The following TEX11 variants were observed in gnomAD, a reference collection of about 807,000 sequenced individuals.
The protein encoded by TEX11 is testis expressed 11.
In TEX11, 7 loss-of-function variants were observed where a neutral mutation model predicts 84.4. That is an observed-to-expected ratio of 0.08 (90% CI 0.05 to 0.16). The LOEUF (loss-of-function observed/expected upper bound fraction) is 0.16. Ranked by LOEUF, TEX11 falls within the 10% of genes least tolerant of loss-of-function variation. TEX11 has a pLI of 1.00. For synonymous variants in TEX11, 264 were observed against 222.8 expected (o/e 1.18, Z -1.64); for missense variants, 551 against 660.5 (o/e 0.83, Z 1.82).
chrX:70,724,516 G>A (rs993247172), intron 12 of TEX11, among the ~76,000 whole-genome samples: 7 of 111,570 alleles, frequency 6.3e-5, no homozygotes, highest in African/African-American at 2.3e-4. Context: ...AGCTCTTAAA[G>A]ATTACTGAAA....
At chrX:70,904,903 T>G (rs1569464422) in intron 2 of TEX11, among the ~76,000 whole-genome samples, 1 of 112,919 alleles carries the variant, frequency 8.9e-6, no homozygotes, top group African/African-American at 3.2e-5. Flanking sequence ...TATTTTCATC[T>G]GTTTAAACAT....
At chrX:70,529,754 G>C in intron 29 of TEX11, 81 bp downstream of exon 29, 1 of 986,902 alleles carries the variant, frequency 1.0e-6, no homozygotes, top group South Asian at 2.6e-5. Flanking sequence ...AGGAGGATGG[G>C]GTTGAGTCCT....
chrX:70,690,311 G>T (rs1405561007), intron 13 of TEX11, among the ~76,000 whole-genome samples: 1 of 111,617 alleles, frequency 9.0e-6, no homozygotes, highest in African/African-American at 3.3e-5. Context: ...ATATAAGATG[G>T]CAATACTAGG....
At chrX:70,774,193 G>T (rs1236384007) in intron 9 of TEX11, among the ~76,000 whole-genome samples, 1 of 108,481 alleles carries the variant, frequency 9.2e-6, no homozygotes, top group East Asian at 2.9e-4. Flanking sequence ...GGCTCGGGTG[G>T]GAGTGAAGCA....
chrX:70,680,799 ACT>A (rs1250942804), intron 14 of TEX11, among the ~76,000 whole-genome samples: 1 of 111,271 alleles, frequency 9.0e-6, no homozygotes, highest in African/African-American at 3.3e-5. Context: ...TTTCCAGCCT[ACT>A]CTCTTTTTAA....
At chrX:70,741,313 A>T (rs1470999298) in intron 10 of TEX11, among the ~76,000 whole-genome samples, 1 of 112,017 alleles carries the variant, frequency 8.9e-6, no homozygotes, top group African/African-American at 3.2e-5. Flanking sequence ...TGTATGTTTT[A>T]AAAAAGCCAG....
At chrX:70,891,886 T>C (rs887739777) in intron 2 of TEX11, among the ~76,000 whole-genome samples, 3 of 111,106 alleles carry the variant, frequency 2.7e-5, no homozygotes, top group Admixed American at 9.7e-5. Flanking sequence ...TGGAAAACAC[T>C]ACTAAGATAG....
chrX:70,692,164 A>G (rs1230508305), intron 13 of TEX11, among the ~76,000 whole-genome samples: 3 of 111,962 alleles, frequency 2.7e-5, no homozygotes, highest in Non-Finnish European at 5.6e-5. Context: ...ATACAATTTG[A>G]TGAGTTTGAC....
intron 7 of TEX11, among the ~76,000 whole-genome samples, chrX:70,842,468 C>G (rs375407063): frequency 1.8e-5 from 2 of 111,301 alleles, no homozygotes; most frequent in African/African-American, 6.5e-5. Flanking sequence ...ATTAGGTATT[C>G]ATGGGACATA....
rs961531983 is a variant in TEX11, at chrX:70,806,799, T to C, written c.607-9A>G. 1 of 1,118,784 alleles carries C rather than the reference T, an allele frequency of 8.9e-7. No homozygotes were observed. The highest frequency in any genetic ancestry group is 1.2e-6 in the Non-Finnish European group (1 of 826,363). 92.2% of individuals were successfully genotyped at this position (1,118,784 alleles called of 1,213,427 possible). ...TGATGAAGACTTGAAGTCTGCAATA[T>C]AAAAAAAATGCATTAGATTCATGAT... On this transcript the variant is annotated splice_polypyrimidine_tract_variant and intron_variant, in intron 8 of 29. Transcript: ENST00000374333.
intron 20 of TEX11, 83 bp downstream of exon 20, chrX:70,623,863 CTAAG>C: frequency 1.2e-6 from 1 of 840,459 alleles, no homozygotes; most frequent in Non-Finnish European, 1.7e-6. Flanking sequence ...ACCCACTACA[CTAAG>C]TATCTCTGAA....
chrX:70,803,018 T>A (rs187817905), intron 9 of TEX11, among the ~76,000 whole-genome samples: 1,322 of 111,527 alleles, frequency 0.012, 14 homozygotes, highest in Middle Eastern at 0.018. Context: ...TGAGGGAAAT[T>A]TCTCTATCAA....
At chrX:70,558,380 T>C (rs2088317382) in intron 25 of TEX11, among the ~76,000 whole-genome samples, 1 of 111,436 alleles carries the variant, frequency 9.0e-6, no homozygotes, top group African/African-American at 3.3e-5. Context: ...TGATAAAGAA[T>C]GAAGTTAGAC....
intron 13 of TEX11, among the ~76,000 whole-genome samples, chrX:70,683,655 C>T (rs2090164527): frequency 9.0e-6 from 1 of 111,323 alleles, no homozygotes; most frequent in Admixed American, 9.6e-5. Flanking sequence ...ATGTGTTTTG[C>T]AGAAATGGAA....
rs755648737 is a variant in TEX11 at position 70,799,117 on chromosome X, T to C, written c.692+7588A>G. ...CTTTTGGAAAAATGGAATTAAAAGATTAAAATATAAATTTTATTTATCAAC... is the reference window on the plus strand; with the variant it reads ...CTTTTGGAAAAATGGAATTAAAAGACTAAAATATAAATTTTATTTATCAAC... On this transcript the variant is annotated intron_variant, in intron 9 of 29. Coordinates refer to ENST00000374333, the MANE Select transcript of TEX11 (RefSeq NM_031276.3). Among the ~76,000 whole-genome samples the C allele has an allele frequency of 1.2e-3, 132 of 111,962 alleles. 1 individual carries two copies. Among genetic ancestry groups the C allele is most frequent in the Non-Finnish European group, 2.1e-3 (112 of 53,137 alleles).
At chrX:70,513,143 C>T in the TEX11 span, among the ~76,000 whole-genome samples, 6 of 107,875 alleles carry the variant, frequency 5.6e-5, no homozygotes, top group Admixed American at 2.0e-4. Flanking sequence ...CACCTGAGGT[C>T]GGGAGTTCAA....
intron 14 of TEX11, among the ~76,000 whole-genome samples, chrX:70,680,002 T>G (rs1180348243): frequency 4.0e-5 from 3 of 74,596 alleles, no homozygotes; most frequent in Non-Finnish European, 5.4e-5. Flanking sequence ...GTCCGGGAGG[T>G]GAGGGGCGCC....
At chrX:70,641,447 C>A (rs2089656969) in intron 17 of TEX11, among the ~76,000 whole-genome samples, 1 of 111,062 alleles carries the variant, frequency 9.0e-6, no homozygotes, top group Non-Finnish European at 1.9e-5. Context: ...CTCTCCACCC[C>A]AAATCAACAG....
intron 25 of TEX11, among the ~76,000 whole-genome samples, chrX:70,563,192 T>C (rs1349639908): frequency 9.0e-6 from 1 of 111,529 alleles, no homozygotes; most frequent in Non-Finnish European, 1.9e-5. Flanking sequence ...TAACCCCACT[T>C]TCCAGATGAG....
Sources: gnomAD v4.1 joint callset for allele counts (sites outside exome capture counted in the v4.1 genomes callset) on GRCh38, gnomAD v4.1.1 for gene constraint, MANE v1.5 for transcripts, NCBI Gene and HGNC (gene_info 2026-07-23, HGNC 2026-07-21) for gene names.